The following MAGED1 variants were observed in gnomAD, a reference collection of about 807,000 sequenced individuals.
MAGED1 encodes the protein MAGE family member D1, also known as melanoma-associated antigen D1.
A neutral mutation model predicts 54.1 loss-of-function variants in MAGED1; 3 were observed. The ratio of observed to expected loss-of-function variants is 0.06; its 90% CI spans 0.03 to 0.14. The LOEUF (loss-of-function observed/expected upper bound fraction) is 0.14, where lower values mean the gene tolerates loss of function less well. MAGED1 is among the 10% of genes least tolerant of loss of function. MAGED1 has a pLI of 1.00. For synonymous variants in MAGED1, 217 were observed against 227.3 expected (o/e 0.95, Z 0.41); for missense variants, 485 against 623.4 (o/e 0.78, Z 2.36).
chrX:51,899,753 A>C, intron 10 of MAGED1: 1 of 134,906 alleles, frequency 7.4e-6, no homozygotes, highest in Non-Finnish European at 1.4e-5. Context: ...GAATTTTTCT[A>C]ATTTTTCTAC....
rs140810987 is a variant in MAGED1, at chrX:51,896,522, C to T, written c.867C>T (p.Gly289=). The T allele has an allele frequency of 1.2e-5, 15 of 1,209,968 alleles. No homozygotes were observed. The highest frequency in any genetic ancestry group is 1.7e-5 in the Non-Finnish European group (15 of 895,104). ...CAGTGACCACTCAGAACCCACCTGG[C>T]GCACCCCCCAATGTGCTCTGGCAGA... ...PVPVTTQNPP[G]APPNVLWQTP... The change falls in exon 4 of 13, where the codon GGC becomes GGT. Residue 289 remains glycine (G), a synonymous_variant. Transcript: ENST00000326587.
chrX:51,886,722 T>G (rs1236351511), intron 1 of MAGED1, among the ~76,000 whole-genome samples: 1 of 111,312 alleles, frequency 9.0e-6, no homozygotes, highest in Non-Finnish European at 1.9e-5. Context: ...AATATCAATT[T>G]TATTTCTATA....
At chrX:51,880,709 G>A (rs1221435821) in intron 1 of MAGED1, among the ~76,000 whole-genome samples, 1 of 111,322 alleles carries the variant, frequency 9.0e-6, no homozygotes, top group African/African-American at 3.3e-5. Context: ...ATGACCTCTG[G>A]CATTTTGGTG....
At chrX:51,882,303 G>A (rs1241496349) in intron 1 of MAGED1, among the ~76,000 whole-genome samples, 1 of 111,488 alleles carries the variant, frequency 9.0e-6, no homozygotes, top group Admixed American at 9.5e-5. Flanking sequence ...TTTTCTTATA[G>A]TGTGATTGTA....
chrX:51,807,296 CT>C (rs1370890814), intron 1 of MAGED1, among the ~76,000 whole-genome samples: 3 of 111,014 alleles, frequency 2.7e-5, no homozygotes, highest in Non-Finnish European at 3.8e-5. Flanking sequence ...CCTGGGCTAA[CT>C]TTTTTTTATT....
At chrX:51,869,152 C>T (rs1047393044) in intron 1 of MAGED1, among the ~76,000 whole-genome samples, 2 of 110,846 alleles carry the variant, frequency 1.8e-5, no homozygotes, top group African/African-American at 3.3e-5. Context: ...GAGATGTGGA[C>T]TGTGTGTATG....
At chrX:51,867,549 G>A (rs1011375691) in intron 1 of MAGED1, among the ~76,000 whole-genome samples, 1 of 111,420 alleles carries the variant, frequency 9.0e-6, no homozygotes, top group Non-Finnish European at 1.9e-5. Context: ...CTTTATATTC[G>A]CTGGCAGCTG....
chrX:51,819,596 A>G (rs1008236016), intron 1 of MAGED1, among the ~76,000 whole-genome samples: 3 of 110,823 alleles, frequency 2.7e-5, no homozygotes, highest in South Asian at 3.8e-4. Flanking sequence ...GGCTATTTGT[A>G]TATCTTCTTT....
intron 1 of MAGED1, among the ~76,000 whole-genome samples, chrX:51,872,267 G>A (rs1927709384): frequency 8.9e-6 from 1 of 111,840 alleles, no homozygotes; most frequent in Non-Finnish European, 1.9e-5. Flanking sequence ...CTGTGCAGAA[G>A]CTCTTTAGTT....
chrX:51,844,796 A>G (rs782349242), intron 1 of MAGED1, among the ~76,000 whole-genome samples: 98 of 112,020 alleles, frequency 8.7e-4, no homozygotes, highest in Non-Finnish European at 1.4e-3. Flanking sequence ...ACTGAGACAT[A>G]CACAAGAGAC....
At chrX:51,847,608 C>T (rs1926732259) in intron 1 of MAGED1, among the ~76,000 whole-genome samples, 1 of 110,210 alleles carries the variant, frequency 9.1e-6, no homozygotes, top group Admixed American at 9.7e-5. Context: ...TCCCATCTCA[C>T]AGATTGAATG....
At chrX:51,814,966 TAAAAAAA>T (rs782352592) in intron 1 of MAGED1, among the ~76,000 whole-genome samples, 2 of 72,074 alleles carry the variant, frequency 2.8e-5, no homozygotes, top group Admixed American at 3.2e-4. Context: ...ACCTCTCTCT[TAAAAAAA>T]AAAAAAAAAA....
chrX:51,898,860 C>G (rs1253145985), intron 10 of MAGED1: 6 of 350,304 alleles, frequency 1.7e-5, no homozygotes, highest in African/African-American at 2.6e-5. Context: ...AAAAATTAGC[C>G]AGGCGTGGTG....
At chrX:51,844,574 A>G (rs1926616429) in intron 1 of MAGED1, among the ~76,000 whole-genome samples, 5 of 112,082 alleles carry the variant, frequency 4.5e-5, no homozygotes, top group Admixed American at 1.9e-4. Context: ...GCAGTGTGGC[A>G]TCTTCTCTTC....
chrX:51,894,461 AGACTC>A (rs1928604983), intron 2 of MAGED1, 112 bp downstream of exon 2: 1 of 857,723 alleles, frequency 1.2e-6, no homozygotes, highest in Non-Finnish European at 1.7e-6. Context: ...TTTAGTGACT[AGACTC>A]CGTGGGCTTT....
intron 1 of MAGED1, among the ~76,000 whole-genome samples, chrX:51,848,865 C>T (rs1181119363): frequency 8.2e-5 from 9 of 110,066 alleles, no homozygotes; most frequent in African/African-American, 3.0e-4. Context: ...CCTTTTCCTT[C>T]ATGTTGTACT....
intron 1 of MAGED1, among the ~76,000 whole-genome samples, chrX:51,861,757 C>T (rs1169997500): frequency 9.0e-6 from 1 of 111,449 alleles, no homozygotes; most frequent in Non-Finnish European, 1.9e-5. Context: ...GATCTTGGCT[C>T]ACTGCAACCT....
Position 51,881,507 on chromosome X carries a change from C to T in MAGED1, c.-36-12762C>T, listed in dbSNP as rs376017944. On this transcript the variant is annotated intron_variant, in intron 1 of 12. Coordinates refer to the MAGED1 transcript ENST00000375772. Reference sequence around the variant, plus strand: ...CTTGGCTCACTGCAACCTCCGCCTCCTGGGTAGAAGCGATATTCCTGCCTC... The same window carrying T: ...CTTGGCTCACTGCAACCTCCGCCTCTTGGGTAGAAGCGATATTCCTGCCTC... Among the ~76,000 whole-genome samples the T allele has an allele frequency of 1.5e-4, 17 of 109,988 alleles. No individual in the cohort carries two copies. The East Asian group carries it at 1.7e-3, about 11-fold the overall frequency.
At chrX:51,833,751 T>C (rs1557357665) in intron 1 of MAGED1, among the ~76,000 whole-genome samples, 1 of 112,128 alleles carries the variant, frequency 8.9e-6, no homozygotes, top group Non-Finnish European at 1.9e-5. Flanking sequence ...GACTTCTACT[T>C]TATAAAATCA....
Sources: gnomAD v4.1 joint callset for allele counts (sites outside exome capture counted in the v4.1 genomes callset) on GRCh38, gnomAD v4.1.1 for gene constraint, MANE v1.5 for transcripts, NCBI Gene and HGNC (gene_info 2026-07-23, HGNC 2026-07-21) for gene names.